Variants in RBM20 observed in about 807,000 individuals in gnomAD.
RBM20 encodes the protein RNA-binding protein 20.
RBM20 carries 51 observed loss-of-function variants against 110.1 expected under a neutral mutation model. The ratio of observed to expected loss-of-function variants is 0.46; its 90% CI spans 0.37 to 0.59. The LOEUF is 0.59. Among genes scored for constraint, RBM20 ranks in the 20% least tolerant of loss-of-function variants. The probability of loss-of-function intolerance (pLI) is 0.00; values close to 1 mark genes in which losing one functional copy is unlikely to be tolerated. For synonymous variants in RBM20, 589 were observed against 618.2 expected (o/e 0.95, Z 0.70); for missense variants, 1,512 against 1,574.9 (o/e 0.96, Z 0.68).
intron 1 of RBM20, among the ~76,000 whole-genome samples, chr10:110,677,443 C>T (rs1025434461): frequency 2.0e-5 from 3 of 152,044 alleles, no homozygotes; most frequent in Admixed American, 6.5e-5. Flanking sequence ...CGCAGCCTCC[C>T]GAGTAGCTGG....
chr10:110,752,837 A>G (rs948516156), intron 1 of RBM20, among the ~76,000 whole-genome samples: 3 of 148,344 alleles, frequency 2.0e-5, no homozygotes, highest in African/African-American at 7.5e-5. Flanking sequence ...TTTCTCTATA[A>G]TTTTACCACT....
At chr10:110,812,005 G>A (rs1844773736) in intron 8 of RBM20, among the ~76,000 whole-genome samples, 1 of 152,182 alleles carries the variant, frequency 6.6e-6, no homozygotes, top group Admixed American at 6.5e-5. Flanking sequence ...AGCCAAATCA[G>A]CCCAGTTCTT....
chr10:110,838,570 C>G lies in RBM20; in HGVS notation c.*2592C>G, dbSNP rs1845162826. 6.6e-6 allele frequency: 1 copy of G among 152,178 alleles called. No homozygotes were observed. The highest frequency in any genetic ancestry group is 2.4e-5 in the African/African-American group (1 of 41,428). 9.4% of individuals were successfully genotyped at this position (152,178 alleles called of 1,614,324 possible). A position where few individuals can be genotyped will look rare whatever the true frequency, so the allele number is the denominator to read the frequency against. On this transcript the variant is annotated 3_prime_UTR_variant, in exon 14 of 14. Transcript: ENST00000369519. ...ATCAGAGGTTAGAACTGTACATTAT[C>G]AGAGAGACTGGACACTTTATCCCCT...
At chr10:110,814,910 A>G (rs553810730) in intron 9 of RBM20, among the ~76,000 whole-genome samples, 1 of 152,366 alleles carries the variant, frequency 6.6e-6, no homozygotes, top group African/African-American at 2.4e-5. Flanking sequence ...TAATGTTTTT[A>G]AAGAGTAAAA....
intron 12 of RBM20, among the ~76,000 whole-genome samples, chr10:110,828,830 GT>G (rs1226874190): frequency 2.6e-5 from 4 of 151,150 alleles, no homozygotes; most frequent in African/African-American, 9.8e-5. Context: ...TTTGCTTTTT[GT>G]TTTTTGTTTG....
Position 110,671,220 on chromosome 10 carries a change from C to G in RBM20, c.191+26575C>G, listed in dbSNP as rs540851722. Reference sequence around the variant, plus strand: ...CTTACCCAAAGTTATTATTCACCTACTGATGGACAATGATGGTTCTAGTTT... The same window carrying G: ...CTTACCCAAAGTTATTATTCACCTAGTGATGGACAATGATGGTTCTAGTTT... On this transcript the variant is annotated intron_variant, in intron 1 of 13. Transcript: ENST00000369519. Among the ~76,000 whole-genome samples the G allele has an allele frequency of 8.6e-4, 131 of 152,370 alleles. 2 individuals are homozygous for G. The highest frequency in any genetic ancestry group is 3.0e-3 in the African/African-American group (123 of 41,596).
intron 1 of RBM20, among the ~76,000 whole-genome samples, chr10:110,661,347 C>T (rs772934615): frequency 5.5e-4 from 83 of 152,284 alleles, no homozygotes; most frequent in Non-Finnish European, 6.3e-4. Context: ...CCAGCTCCAG[C>T]AGTTGCCAGT....
chr10:110,661,909 G>C (rs980487686), intron 1 of RBM20, among the ~76,000 whole-genome samples: 1 of 152,028 alleles, frequency 6.6e-6, no homozygotes, highest in Non-Finnish European at 1.5e-5. Context: ...TACTTGGGAG[G>C]CTGAGGCAGG....
intron 1 of RBM20, among the ~76,000 whole-genome samples, chr10:110,696,510 C>A (rs1413033633): frequency 6.6e-6 from 1 of 152,196 alleles, no homozygotes; most frequent in Non-Finnish European, 1.5e-5. Context: ...AGTGCACAGT[C>A]CTCATCCCCA....
At position 110,821,446 on chromosome 10, in the gene RBM20, C is replaced by T; in HGVS notation, c.2827C>T (p.Pro943Ser). The change falls in exon 11 of 14, where the codon CCA (proline) becomes TCA (serine). Residue 943 changes from proline to serine, a missense_variant. Coordinates refer to ENST00000369519, the MANE Select transcript of RBM20 (RefSeq NM_001134363.3). ...CATTGACCAGAAAGACAAAATTTGC[C>T]CAGAAACATGTCTGTGTGTGACAAC... ...VPIDQKDKIC[P>S]ETCLCVTTTL... 4.5e-6 allele frequency: 7 copies of T among 1,551,722 alleles called. No homozygotes were observed. Among genetic ancestry groups the T allele is most frequent in the Non-Finnish European group, 6.1e-6 (7 of 1,146,996 alleles).
At chr10:110,706,981 G>A (rs1001281296) in intron 1 of RBM20, among the ~76,000 whole-genome samples, 4 of 152,106 alleles carry the variant, frequency 2.6e-5, no homozygotes, top group Admixed American at 6.5e-5. Context: ...GTGGAAAAAC[G>A]CTTAAATGAC....
intron 1 of RBM20, among the ~76,000 whole-genome samples, chr10:110,771,359 C>A (rs551836840): frequency 1.3e-5 from 2 of 152,180 alleles, no homozygotes; most frequent in Non-Finnish European, 2.9e-5. Flanking sequence ...GAACTCCTGA[C>A]CTTAAGTGAT....
At chr10:110,773,204 A>G (rs1367450686) in intron 1 of RBM20, among the ~76,000 whole-genome samples, 1 of 152,222 alleles carries the variant, frequency 6.6e-6, no homozygotes, top group African/African-American at 2.4e-5. Context: ...ACTATTTTAT[A>G]AATGCACACA....
chr10:110,774,152 G>C (rs997523531), intron 1 of RBM20, among the ~76,000 whole-genome samples: 1 of 152,174 alleles, frequency 6.6e-6, no homozygotes, highest in African/African-American at 2.4e-5. Flanking sequence ...CTATAGACTG[G>C]AAATGGTCAT....
At chr10:110,737,788 A>T (rs10749051) in intron 1 of RBM20, among the ~76,000 whole-genome samples, 2 of 151,998 alleles carry the variant, frequency 1.3e-5, no homozygotes, top group Non-Finnish European at 2.9e-5. Flanking sequence ...GGAATACACC[A>T]CTATTTATTC....
chr10:110,758,119 A>G (rs1039349349), intron 1 of RBM20, among the ~76,000 whole-genome samples: 1 of 144,110 alleles, frequency 6.9e-6, no homozygotes, highest in Non-Finnish European at 1.5e-5. Flanking sequence ...CCCAGGCTCA[A>G]GCAATCCTCC....
At chr10:110,804,435 T>C (rs569633521) in intron 7 of RBM20, among the ~76,000 whole-genome samples, 2 of 152,362 alleles carry the variant, frequency 1.3e-5, no homozygotes, top group East Asian at 3.9e-4. Flanking sequence ...GGAGAAATTC[T>C]GATTGCTCTT....
Position 110,810,724 on chromosome 10 carries a change from G to C in RBM20, c.1880+262G>C, listed in dbSNP as rs188967366. Among the ~76,000 whole-genome samples the C allele has an allele frequency of 3.5e-4, 53 of 152,188 alleles. 1 individual carries two copies. In the East Asian group the frequency reaches 0.01, roughly 29 times the overall value. ...TCACCCTTTGTTGGAAAATAATATA[G>C]GAAAAGGTCTGTTAATATTTGGCCC... On this transcript the variant is annotated intron_variant, in intron 8 of 13. Transcript: ENST00000369519.
Position 110,781,156 on chromosome 10 carries a change from T to A in RBM20, c.547T>A (p.Ser183Thr). 1 of 1,551,620 alleles carries A rather than the reference T, an allele frequency of 6.4e-7. No homozygotes were observed. The change falls in exon 2 of 14, where the codon TCC becomes ACC. Residue 183 changes from serine to threonine, a missense_variant. Physicochemically the swap from Ser to Thr is moderately conservative, Grantham distance 58. Around this residue, in one of 3 missense-constraint regions of RBM20, gnomAD observed 1,149 missense variants for 1,169.4 expected, o/e 0.98. Coordinates refer to ENST00000369519, the MANE Select transcript of RBM20 (RefSeq NM_001134363.3). ...CAGCCAGACACGAGGCCCCGGACCC[T>A]CCATGAACCTTCCCAACCAGCCACC... ...PPSQTRGPGPSMNLPNQPPSA... is the reference protein window; with the variant it reads ...PPSQTRGPGPTMNLPNQPPSA...
Sources: allele counts gnomAD v4.1 joint callset (sites outside exome capture counted in the v4.1 genomes callset), GRCh38; gene constraint gnomAD v4.1.1; regional missense constraint gnomAD v4.1.1; transcripts MANE v1.5; gene names NCBI Gene and HGNC (gene_info 2026-07-23, HGNC 2026-07-21).